Variants in PDGFRA observed in about 807,000 individuals in gnomAD.
PDGFRA encodes the protein platelet-derived growth factor receptor alpha.
PDGFRA carries 25 observed loss-of-function variants against 121.5 expected under a neutral mutation model. The ratio of observed to expected loss-of-function variants is 0.21; its 90% CI spans 0.15 to 0.29. PDGFRA has a LOEUF of 0.29. Ranked by LOEUF, PDGFRA falls within the 10% of genes least tolerant of loss-of-function variation. The pLI, the probability that PDGFRA is intolerant of heterozygous loss-of-function variation, is 1.00. For synonymous variants in PDGFRA, 463 were observed against 494.8 expected, an observed-to-expected ratio of 0.94 and a Z score of 0.85; for missense variants, 1,008 against 1,345.1, an observed-to-expected ratio of 0.75 and a Z score of 3.92.
chr4:54,259,788 T>G (rs1722586455), intron 2 of PDGFRA, among the ~76,000 whole-genome samples: 1 of 152,184 alleles, frequency 6.6e-6, no homozygotes, highest in Non-Finnish European at 1.5e-5. Flanking sequence ...GGAATTATAG[T>G]GGTCATATAT....
intron 22 of PDGFRA, among the ~76,000 whole-genome samples, chr4:54,291,116 G>A (rs1724613111): frequency 6.6e-6 from 1 of 152,132 alleles, no homozygotes. Flanking sequence ...TTTCTAACGT[G>A]TGCACAATTC....
intron 1 of PDGFRA, among the ~76,000 whole-genome samples, chr4:54,256,648 G>C (rs369416550): frequency 6.6e-6 from 1 of 151,726 alleles, no homozygotes; most frequent in African/African-American, 2.4e-5. Context: ...TGGTTCAAGC[G>C]ATTTGCCTTA....
chr4:54,286,250 C>G (rs914936869), intron 18 of PDGFRA, among the ~76,000 whole-genome samples: 3 of 152,124 alleles, frequency 2.0e-5, no homozygotes, highest in African/African-American at 4.8e-5. Flanking sequence ...GGGATTAAAT[C>G]AATGAATTCA....
intron 9 of PDGFRA, among the ~76,000 whole-genome samples, chr4:54,273,285 T>A (rs558474585): frequency 2.2e-4 from 33 of 152,362 alleles, no homozygotes; most frequent in African/African-American, 7.7e-4. Flanking sequence ...GGTAGTCATA[T>A]TTTATTAAAC....
At chr4:54,247,497 A>T (rs993814410) in intron 1 of PDGFRA, among the ~76,000 whole-genome samples, 22 of 152,160 alleles carry the variant, frequency 1.4e-4, no homozygotes, top group East Asian at 3.8e-4. Context: ...GATGCAGAAA[A>T]GGCCTTTGAC....
At chr4:54,240,045 G>C in intron 1 of PDGFRA, 1 of 421,790 alleles carries the variant, frequency 2.4e-6, no homozygotes, top group Non-Finnish European at 4.8e-6. Flanking sequence ...TAGAGACGGG[G>C]TTTTGCCATG....
Position 54,291,637 on chromosome 4 carries a change from G to C in PDGFRA, c.3122+1083G>C, listed in dbSNP as rs571302733. On this transcript the variant is annotated intron_variant, in intron 22 of 22. Coordinates refer to ENST00000257290, the MANE Select transcript of PDGFRA (RefSeq NM_006206.6). The stretch of plus-strand genomic sequence containing the variant: ...AAAAAGTCAAAAAATAACAGATGCT[G>C]GTGAGGTTGTGGAGAAAAGGGGAAG... Among the ~76,000 whole-genome samples, 9 of 152,260 alleles carry C rather than the reference G, an allele frequency of 5.9e-5. No individual in the cohort carries two copies. In the South Asian group the frequency reaches 1.9e-3, roughly 32 times the overall value.
intron 1 of PDGFRA, among the ~76,000 whole-genome samples, chr4:54,233,331 G>A (rs1325132018): frequency 6.6e-6 from 1 of 152,204 alleles, no homozygotes; most frequent in Admixed American, 6.5e-5. Context: ...ACAGTGGCGG[G>A]GGCTGGACAG....
chr4:54,282,041 T>C, intron 16 of PDGFRA: 1 of 845,952 alleles, frequency 1.2e-6, no homozygotes, highest in African/African-American at 1.8e-5. Flanking sequence ...TAGTGTGTGT[T>C]TATGTGTATG....
chr4:54,257,767 G>A (rs1443933788), intron 1 of PDGFRA, among the ~76,000 whole-genome samples: 1 of 152,156 alleles, frequency 6.6e-6, no homozygotes, highest in Non-Finnish European at 1.5e-5. Flanking sequence ...ATAAAGAAGA[G>A]AGGTCTTTTC....
chr4:54,231,454 G>T (rs961100639), intron 1 of PDGFRA, among the ~76,000 whole-genome samples: 4 of 152,204 alleles, frequency 2.6e-5, no homozygotes, highest in Non-Finnish European at 5.9e-5. Context: ...AAACATCCCC[G>T]GAGCCACAGG....
chr4:54,244,623 C>A (rs1721515305), intron 1 of PDGFRA, among the ~76,000 whole-genome samples: 1 of 152,170 alleles, frequency 6.6e-6, no homozygotes, highest in Non-Finnish European at 1.5e-5. Flanking sequence ...GGGGAAAAAA[C>A]AGAGCAGAAA....
At chr4:54,252,604 A>T (rs1305743157) in intron 1 of PDGFRA, among the ~76,000 whole-genome samples, 2 of 152,284 alleles carry the variant, frequency 1.3e-5, no homozygotes, top group East Asian at 3.9e-4. Flanking sequence ...AAAAAAGAAG[A>T]TGTGTAATTT....
rs774507815 is a variant in PDGFRA, at chr4:54,277,465, A to T, written c.1864A>T (p.Met622Leu). ...AYGLSRSQPV[M>L]KVAVKMLKPT... is the part of the protein sequence containing the mutation. ...TGGATTAAGCCGGTCCCAACCTGTC[A>T]TGAAAGTTGCAGTGAAGATGCTAAA... Residue 622 changes from methionine (M) to leucine (L), a missense_variant, in exon 13 of 23, where the codon ATG (methionine) becomes TTG (leucine). Met to Leu is a conservative substitution (Grantham distance 15). Around this residue, in one of 5 missense-constraint regions of PDGFRA, gnomAD observed 61 missense variants for 125.3 expected, o/e 0.49. Transcript: ENST00000257290. 1.7e-5 allele frequency: 27 copies of T among 1,613,848 alleles called. No individual in the cohort carries two copies. The highest frequency in any genetic ancestry group is 2.3e-5 in the Non-Finnish European group (27 of 1,179,726).
At chr4:54,246,365 G>A (rs1205243284) in intron 1 of PDGFRA, among the ~76,000 whole-genome samples, 2 of 152,132 alleles carry the variant, frequency 1.3e-5, no homozygotes, top group South Asian at 2.1e-4. Flanking sequence ...ATAACAAACT[G>A]TCTCTCAGAC....
chr4:54,291,722 A>G (rs1209822875), intron 22 of PDGFRA, among the ~76,000 whole-genome samples: 1 of 152,222 alleles, frequency 6.6e-6, no homozygotes, highest in Non-Finnish European at 1.5e-5. Flanking sequence ...CAGTGTGGTG[A>G]TTTCTCAAAG....
chr4:54,261,408 G>T lies in PDGFRA; in HGVS notation c.363G>T (p.Val121=). 1 of 1,613,382 alleles carries T rather than the reference G, an allele frequency of 6.2e-7. No individual in the cohort carries two copies. The highest frequency in any genetic ancestry group is 8.5e-7 in the Non-Finnish European group (1 of 1,179,476). The change falls in exon 3 of 23, where the codon GTG becomes GTT. Residue 121 remains valine (V), a synonymous_variant. Transcript: ENST00000257290. Reference sequence around the variant, plus strand: ...AAGGCAGGCACATTTACATCTATGTGCCAGGTGAGTTGGCTGGGTCTCCAG... The same window carrying T: ...AAGGCAGGCACATTTACATCTATGTTCCAGGTGAGTTGGCTGGGTCTCCAG... ...ELEGRHIYIY[V]PDPDVAFVPL... is the part of the protein sequence containing the mutation.
At chr4:54,290,669 G>T (rs1724585321) in intron 22 of PDGFRA, 115 bp downstream of exon 22, 1 of 1,212,376 alleles carries the variant, frequency 8.2e-7, no homozygotes, top group Non-Finnish European at 1.2e-6. Context: ...TGTACTCAGG[G>T]ACAAGTTGCA....
At chr4:54,239,964 C>T (rs537359546) in intron 1 of PDGFRA, 1 of 270,644 alleles carries the variant, frequency 3.7e-6, no homozygotes, top group Non-Finnish European at 8.0e-6. Context: ...GATCCTTCCA[C>T]CTCAGCCTCC....
Sources: gnomAD v4.1 joint callset for allele counts (sites outside exome capture counted in the v4.1 genomes callset) on GRCh38, gnomAD v4.1.1 for gene constraint, gnomAD v4.1.1 regional missense constraint, MANE v1.5 for transcripts, NCBI Gene and HGNC (gene_info 2026-07-23, HGNC 2026-07-21) for gene names.